Variants in ACOX3 observed in about 807,000 individuals in gnomAD.
ACOX3 encodes peroxisomal acyl-coenzyme A oxidase 3.
Under a neutral mutation model 81.5 loss-of-function variants are expected in ACOX3, and 73 were observed. The observed-to-expected ratio is 0.90, with a 90% CI of 0.74 to 1.09. The LOEUF is 1.09. ACOX3 is among the 50% of genes least tolerant of loss of function. The pLI is 0.00. For synonymous variants in ACOX3, 387 were observed against 375.1 expected (o/e 1.03, Z -0.37); for missense variants, 947 against 928.0 (o/e 1.02, Z -0.27).
At chr4:8,391,575 TA>T (rs1333358302) in intron 11 of ACOX3, among the ~76,000 whole-genome samples, 3 of 152,272 alleles carry the variant, frequency 2.0e-5, no homozygotes, top group African/African-American at 7.2e-5. Context: ...ATGATAATTC[TA>T]ATAATAACAG....
At chr4:8,398,410 C>A (rs1719958913) in intron 8 of ACOX3, among the ~76,000 whole-genome samples, 1 of 152,126 alleles carries the variant, frequency 6.6e-6, no homozygotes, top group African/African-American at 2.4e-5. Context: ...TCCAAGAGTC[C>A]CTTCAACCAA....
rs552143088 is a variant in ACOX3 at position 8,389,996 on chromosome 4, G to C, written c.1301-262C>G. 6.6e-6 allele frequency among the ~76,000 whole-genome samples: 1 copy of C among 151,718 alleles called. No homozygotes were observed. Among genetic ancestry groups the C allele is most frequent in the Admixed American group, 6.6e-5 (1 of 15,228 alleles). On this transcript the variant is annotated intron_variant, in intron 11 of 17. Coordinates refer to ENST00000356406, the MANE Select transcript of ACOX3 (RefSeq NM_003501.3). This position sits in a 1 kb window ranked among gnomAD's most constrained non-coding sequence, Gnocchi z 5.3. ...TGTGTGCCTGTAATCTCAGCTACTC[G>C]GGAGGCTGAGGCAGGAGAATCGCTT... is the stretch of plus-strand genomic sequence containing the variant.
rs1188504190 is a variant in ACOX3, at chr4:8,430,626, T to A, written c.-15+10022A>T. On this transcript the variant is annotated intron_variant, in intron 1 of 17. Coordinates refer to ENST00000356406, the MANE Select transcript of ACOX3 (RefSeq NM_003501.3). The surrounding 1 kb of genome is among the most constrained non-coding windows in gnomAD (Gnocchi z 5.2). ...ATCTTAGCACTTTGGGAGGTCGAGG[T>A]GGGCAGATCACTTGAGGTCAGGAGT... is the stretch of plus-strand genomic sequence containing the variant. 2.0e-5 allele frequency among the ~76,000 whole-genome samples: 3 copies of A among 152,036 alleles called. No individual in the cohort carries two copies. The highest frequency in any genetic ancestry group is 1.3e-4 in the Admixed American group (2 of 15,264).
rs867154800 is a variant in ACOX3, at chr4:8,432,683, C to T, written c.-15+7965G>A. Among the ~76,000 whole-genome samples the T allele has an allele frequency of 6.6e-6, 1 of 152,154 alleles. No homozygotes were observed. Among genetic ancestry groups the T allele is most frequent in the African/African-American group, 2.4e-5 (1 of 41,432 alleles). On this transcript the variant is annotated intron_variant, in intron 1 of 17. Transcript: ENST00000356406. The surrounding 1 kb of genome is among the most constrained non-coding windows in gnomAD (Gnocchi z 6.2). ...GCTGGAGCCATCATTCTGATCAGCA[C>T]AACAGGGCTGCCACTCAGGGCGCTC...
At chr4:8,436,835 C>G (rs1451751340) in intron 1 of ACOX3, among the ~76,000 whole-genome samples, 1 of 146,562 alleles carries the variant, frequency 6.8e-6, no homozygotes, top group Non-Finnish European at 1.5e-5. Flanking sequence ...AAAAAAAACA[C>G]AAAAAAATTA....
In ACOX3 at chr4:8,389,750, A is replaced by G; in HGVS notation, c.1301-16T>C. ...AACCGGTTCACTGCAACAAAGCCAC[A>G]ATAGTACCATCATTTAAGACGCATA... On this transcript the variant is annotated splice_polypyrimidine_tract_variant and intron_variant, in intron 11 of 17. Coordinates refer to ENST00000356406, the MANE Select transcript of ACOX3 (RefSeq NM_003501.3). The surrounding 1 kb of genome is among the most constrained non-coding windows in gnomAD (Gnocchi z 5.3). 1.2e-6 allele frequency: 2 copies of G among 1,613,214 alleles called. No individual in the cohort carries two copies.
chr4:8,387,450 G>A (rs1172527364), intron 13 of ACOX3, among the ~76,000 whole-genome samples: 4 of 152,244 alleles, frequency 2.6e-5, no homozygotes, highest in African/African-American at 4.8e-5. Flanking sequence ...CTGGCCCGCC[G>A]GGACAGGGCG....
chr4:8,420,053 C>G (rs1444627174), intron 1 of ACOX3, among the ~76,000 whole-genome samples: 1 of 152,224 alleles, frequency 6.6e-6, no homozygotes, highest in Non-Finnish European at 1.5e-5. Flanking sequence ...ACATAGACCT[C>G]AACTGTGCCC....
rs2108783286 is a variant in ACOX3, at chr4:8,370,136, T to C, written c.1983+772A>G. Among the ~76,000 whole-genome samples the C allele has an allele frequency of 6.6e-6, 1 of 152,276 alleles. No individual in the cohort carries two copies. The highest frequency in any genetic ancestry group is 3.4e-3 in the Middle Eastern group (1 of 294). On this transcript the variant is annotated intron_variant, in intron 17 of 17. Coordinates refer to ENST00000356406, the MANE Select transcript of ACOX3 (RefSeq NM_003501.3). The surrounding 1 kb of genome is among the most constrained non-coding windows in gnomAD (Gnocchi z 6.3). ...CAAGGCAGCAATAGTCAGCTTATAC[T>C]GAAAGAATGGAAGGCACTCCAGGCA...
intron 9 of ACOX3, among the ~76,000 whole-genome samples, chr4:8,396,326 C>T (rs376223221): frequency 1.3e-4 from 20 of 152,292 alleles, no homozygotes; most frequent in African/African-American, 4.3e-4. Context: ...CAAGCTGTGG[C>T]GGCCTCACCT....
intron 14 of ACOX3, among the ~76,000 whole-genome samples, chr4:8,377,174 A>G (rs1469027053): frequency 6.6e-6 from 1 of 152,164 alleles, no homozygotes; most frequent in Admixed American, 6.5e-5. Context: ...TCCTCTGCGA[A>G]CCCAGAGATG....
chr4:8,420,065 C>T (rs1722765873), intron 1 of ACOX3, among the ~76,000 whole-genome samples: 1 of 152,220 alleles, frequency 6.6e-6, no homozygotes, highest in South Asian at 2.1e-4. Context: ...ACTGTGCCCA[C>T]CAAGCCCAAG....
rs1000391877 is a variant in ACOX3 at position 8,431,403 on chromosome 4, C to T, written c.-15+9245G>A. 9.2e-5 allele frequency among the ~76,000 whole-genome samples: 14 copies of T among 152,210 alleles called. No homozygotes were observed. The highest frequency in any genetic ancestry group is 1.3e-4 in the Non-Finnish European group (9 of 68,046). The stretch of plus-strand genomic sequence containing the variant: ...TCACGCTGTAGCACTCTCCATCCAC[C>T]GTGCTCCCCTCCTGGGCCTGAGGAC... On this transcript the variant is annotated intron_variant, in intron 1 of 17. Transcript: ENST00000356406. The surrounding 1 kb of genome is among the most constrained non-coding windows in gnomAD (Gnocchi z 5.3).
intron 13 of ACOX3, among the ~76,000 whole-genome samples, chr4:8,387,212 TCA>T (rs1386861387): frequency 6.6e-6 from 1 of 152,240 alleles, no homozygotes; most frequent in African/African-American, 2.4e-5. Flanking sequence ...GTGCATGAAC[TCA>T]GTCCACGGTA....
rs998043184 is a variant in ACOX3 at position 8,414,110 on chromosome 4, A to T, written c.543+182T>A. On this transcript the variant is annotated intron_variant, in intron 5 of 17. Coordinates refer to ENST00000356406, the MANE Select transcript of ACOX3 (RefSeq NM_003501.3). The surrounding 1 kb of genome is among the most constrained non-coding windows in gnomAD (Gnocchi z 6.1). ...TGGTGGGCACAGGCTTTGTCCTCCAATGCCTGATCTCCTGGGCCCCACTTT... is the reference window on the plus strand; with the variant it reads ...TGGTGGGCACAGGCTTTGTCCTCCATTGCCTGATCTCCTGGGCCCCACTTT... Among the ~76,000 whole-genome samples the T allele has an allele frequency of 2.0e-5, 3 of 152,138 alleles. No homozygotes were observed. The highest frequency in any genetic ancestry group is 2.9e-5 in the Non-Finnish European group (2 of 68,018).
chr4:8,392,490 G>C (rs368020110), intron 10 of ACOX3, 37 bp from the exon 11 acceptor site: 2 of 1,498,896 alleles, frequency 1.3e-6, no homozygotes, highest in Non-Finnish European at 1.8e-6. Context: ...CAGGTGAAAA[G>C]AGACTTTAGA....
intron 14 of ACOX3, among the ~76,000 whole-genome samples, chr4:8,380,497 G>A (rs1342313620): frequency 6.6e-6 from 1 of 152,138 alleles, no homozygotes; most frequent in Non-Finnish European, 1.5e-5. Context: ...CCCAATCTGG[G>A]TTTCTTTGAG....
At chr4:8,422,924 G>A (rs933419716) in intron 1 of ACOX3, among the ~76,000 whole-genome samples, 5 of 152,206 alleles carry the variant, frequency 3.3e-5, no homozygotes, top group African/African-American at 1.2e-4. Flanking sequence ...GGGAATCACT[G>A]GAAGGCCCAC....
At chr4:8,392,296 A>G in intron 11 of ACOX3, 37 bp downstream of exon 11, 2 of 1,462,072 alleles carry the variant, frequency 1.4e-6, no homozygotes, top group East Asian at 5.1e-5. Flanking sequence ...AGCAGGGCTA[A>G]GGACAGGAAA....
Sources: gnomAD v4.1 joint callset for allele counts (sites outside exome capture counted in the v4.1 genomes callset) on GRCh38, gnomAD v4.1.1 for gene constraint, Gnocchi (gnomAD v3.1) non-coding constraint, MANE v1.5 for transcripts, NCBI Gene and HGNC (gene_info 2026-07-23, HGNC 2026-07-21) for gene names.